DNM3: variants seen among roughly 807,000 people sequenced by gnomAD.
DNM3 encodes dynamin-3.
In DNM3, 47 loss-of-function variants were observed where a neutral mutation model predicts 101.6. The ratio of observed to expected loss-of-function variants is 0.46; its 90% CI spans 0.37 to 0.59. DNM3 has a LOEUF of 0.59. Among genes scored for constraint, DNM3 ranks in the 20% least tolerant of loss-of-function variants. The probability of loss-of-function intolerance (pLI) is 0.00; values close to 1 mark genes in which losing one functional copy is unlikely to be tolerated. For synonymous variants in DNM3, 385 were observed against 387.9 expected, an observed-to-expected ratio of 0.99 and a Z score of 0.09; for missense variants, 849 against 1,085.7, an observed-to-expected ratio of 0.78 and a Z score of 3.06.
chr1:172,008,310 T>C lies in DNM3; in HGVS notation c.589+19162T>C, dbSNP rs141180991. Among the ~76,000 whole-genome samples the C allele has an allele frequency of 1.9e-3, 294 of 152,182 alleles. 2 individuals are homozygous for C. The highest frequency in any genetic ancestry group is 6.7e-3 in the African/African-American group (278 of 41,548). On this transcript the variant is annotated intron_variant, in intron 4 of 20. Transcript: ENST00000627582. ...GTCACGAAGAGTTTCTCCTCTGTTT[T>C]CTTCGAGTAGTTTTTTATAATTTTG...
At chr1:172,291,092 GA>G (rs1424881860) in intron 15 of DNM3, among the ~76,000 whole-genome samples, 1 of 152,176 alleles carries the variant, frequency 6.6e-6, no homozygotes, top group Admixed American at 6.5e-5. Flanking sequence ...TGTATCTATA[GA>G]GTAGCAGGAT....
At chr1:171,966,215 T>C (rs953353073) in intron 2 of DNM3, among the ~76,000 whole-genome samples, 2 of 152,226 alleles carry the variant, frequency 1.3e-5, no homozygotes, top group African/African-American at 4.8e-5. Context: ...ATTTTTCACA[T>C]ATTCTATCCT....
chr1:172,089,880 A>G (rs2053788636), intron 12 of DNM3, among the ~76,000 whole-genome samples: 1 of 152,192 alleles, frequency 6.6e-6, no homozygotes, highest in East Asian at 1.9e-4. Flanking sequence ...AACCTAAGAA[A>G]CAACTTGTTT....
At chr1:171,846,103 T>C (rs2032045887) in intron 1 of DNM3, among the ~76,000 whole-genome samples, 1 of 152,186 alleles carries the variant, frequency 6.6e-6, no homozygotes, top group Non-Finnish European at 1.5e-5. Flanking sequence ...CCATACTTCA[T>C]AGTTCCCAAG....
chr1:172,117,941 G>C (rs2056040249), intron 13 of DNM3, among the ~76,000 whole-genome samples: 1 of 152,132 alleles, frequency 6.6e-6, no homozygotes, highest in South Asian at 2.1e-4. Flanking sequence ...CAGGGGAGTT[G>C]GTAAGCCACT....
At chr1:172,066,994 G>A (rs148106566) in intron 10 of DNM3, among the ~76,000 whole-genome samples, 528 of 151,786 alleles carry the variant, frequency 3.5e-3, no homozygotes, top group African/African-American at 0.012. Context: ...GTGTGCGCGC[G>A]TGCAAGACTT....
chr1:172,417,591 A>G (rs1362916460), downstream of DNM3, among the ~76,000 whole-genome samples: 1 of 152,194 alleles, frequency 6.6e-6, no homozygotes, highest in Non-Finnish European at 1.5e-5. Context: ...AGACAGAGGG[A>G]AATCCTAGAA....
At chr1:172,230,019 G>C (rs569149137) in intron 14 of DNM3, among the ~76,000 whole-genome samples, 1 of 152,152 alleles carries the variant, frequency 6.6e-6, no homozygotes, top group African/African-American at 2.4e-5. Flanking sequence ...TGTTACTGAA[G>C]GGTTTTATTT....
At chr1:172,098,816 G>T (rs1250068239) in intron 13 of DNM3, among the ~76,000 whole-genome samples, 5 of 152,186 alleles carry the variant, frequency 3.3e-5, no homozygotes, top group African/African-American at 1.2e-4. Flanking sequence ...ACAAGTGGTA[G>T]AACAAAAGCT....
intron 14 of DNM3, among the ~76,000 whole-genome samples, chr1:172,220,336 C>T (rs2060861310): frequency 6.6e-6 from 1 of 151,992 alleles, no homozygotes; most frequent in Non-Finnish European, 1.5e-5. Flanking sequence ...GAGCTGTATA[C>T]AAATTGGCTA....
chr1:172,360,559 T>C (rs1172634828), intron 17 of DNM3, among the ~76,000 whole-genome samples: 1 of 152,026 alleles, frequency 6.6e-6, no homozygotes, highest in African/African-American at 2.4e-5. Flanking sequence ...CCCTTTCATT[T>C]GAGCAGTAGA....
In DNM3 at chr1:172,388,613, C is replaced by T. The variant is rs1199914317; in HGVS notation, c.2326C>T (p.Leu776=). ...CCCCACAACCCAAAGGAGGCCAACA[C>T]TAAGTGCTCCCCTCGCAAGGCCCAC... ...PSPTTQRRPT[L]SAPLARPTSG... Residue 776 remains leucine (L), a synonymous_variant, in exon 20 of 21, where the codon CTA becomes TTA. Transcript: ENST00000627582. The T allele has an allele frequency of 3.7e-6, 6 of 1,613,944 alleles. No homozygotes were observed. The highest frequency in any genetic ancestry group is 2.7e-5 in the African/African-American group (2 of 74,956).
chr1:172,229,797 A>G (rs764826450), intron 14 of DNM3, among the ~76,000 whole-genome samples: 13 of 151,924 alleles, frequency 8.6e-5, no homozygotes, highest in African/African-American at 2.4e-4. Flanking sequence ...GGGGTCCTAG[A>G]ATTTCTAGCT....
intron 15 of DNM3, among the ~76,000 whole-genome samples, chr1:172,289,104 A>T (rs2063807010): frequency 6.6e-6 from 1 of 152,118 alleles, no homozygotes; most frequent in Non-Finnish European, 1.5e-5. Context: ...GGGGGAAAAA[A>T]AGATTCAAAG....
chr1:171,920,303 C>A (rs2040053967), intron 1 of DNM3, among the ~76,000 whole-genome samples: 1 of 152,220 alleles, frequency 6.6e-6, no homozygotes, highest in South Asian at 2.1e-4. Context: ...TGTTGAAGCT[C>A]TGTTCTGCCA....
chr1:172,242,214 G>A (rs946698367), intron 14 of DNM3, among the ~76,000 whole-genome samples: 6 of 152,234 alleles, frequency 3.9e-5, no homozygotes, highest in East Asian at 1.9e-4. Flanking sequence ...GGCTGCTGGC[G>A]TTCTGGGGCA....
chr1:171,903,324 T>C (rs2125239477), intron 1 of DNM3, among the ~76,000 whole-genome samples: 1 of 152,318 alleles, frequency 6.6e-6, no homozygotes, highest in Non-Finnish European at 1.5e-5. Flanking sequence ...TGGCAAATAC[T>C]GTAACTTTAT....
At chr1:172,054,928 C>T (rs908468747) in intron 10 of DNM3, among the ~76,000 whole-genome samples, 1 of 152,100 alleles carries the variant, frequency 6.6e-6, no homozygotes, top group Non-Finnish European at 1.5e-5. Flanking sequence ...TATTGCACTC[C>T]AGCCCAGGCA....
chr1:172,406,691 T>C (rs540071418), intron 20 of DNM3, among the ~76,000 whole-genome samples: 117 of 151,872 alleles, frequency 7.7e-4, no homozygotes, highest in African/African-American at 2.8e-3. Flanking sequence ...TTTTCAAAAC[T>C]ATTTTTCAAA....
Sources: allele counts gnomAD v4.1 joint callset (sites outside exome capture counted in the v4.1 genomes callset), GRCh38; gene constraint gnomAD v4.1.1; transcripts MANE v1.5; gene names NCBI Gene and HGNC (gene_info 2026-07-23, HGNC 2026-07-21).